Variants in PDE10A observed in about 807,000 individuals in gnomAD.
PDE10A encodes phosphodiesterase 10A, also known as cAMP and cAMP-inhibited cGMP 3',5'-cyclic phosphodiesterase 10A.
In PDE10A, 39 loss-of-function variants were observed where a neutral mutation model predicts 97.7. The observed-to-expected ratio is 0.40, with a 90% confidence interval of 0.31 to 0.52. PDE10A has a LOEUF of 0.52. Ranked by LOEUF, PDE10A falls within the 20% of genes least tolerant of loss-of-function variation. PDE10A has a pLI of 0.56. For synonymous variants in PDE10A, 371 were observed against 376.8 expected (o/e 0.98, Z 0.18); for missense variants, 731 against 1,047.8 (o/e 0.70, Z 4.17).
chr6:165,901,438 G>A (rs1456571153), intron 1 of PDE10A, among the ~76,000 whole-genome samples: 1 of 152,164 alleles, frequency 6.6e-6, no homozygotes, highest in African/African-American at 2.4e-5. Flanking sequence ...GTCCTCATCA[G>A]GGCTCCGGGT....
At chr6:165,734,550 CAAAT>C (rs887032996) in intron 1 of PDE10A, among the ~76,000 whole-genome samples, 1 of 151,974 alleles carries the variant, frequency 6.6e-6, no homozygotes, top group African/African-American at 2.4e-5. Flanking sequence ...GAAAAAGAAC[CAAAT>C]AACAGTTTCT....
chr6:165,362,975 C>T (rs988811541), intron 18 of PDE10A, among the ~76,000 whole-genome samples: 6 of 152,010 alleles, frequency 3.9e-5, no homozygotes, highest in Middle Eastern at 3.2e-3. Context: ...TTGATAATCT[C>T]GATAGATGCA....
chr6:165,436,500 C>A (rs1263231627), intron 5 of PDE10A, among the ~76,000 whole-genome samples: 1 of 152,096 alleles, frequency 6.6e-6, no homozygotes, highest in Non-Finnish European at 1.5e-5. Flanking sequence ...TTGCTTTAAC[C>A]TTGGGTACTT....
At chr6:165,794,300 T>A (rs1368361625) in intron 1 of PDE10A, among the ~76,000 whole-genome samples, 1 of 147,470 alleles carries the variant, frequency 6.8e-6, no homozygotes, top group Non-Finnish European at 1.5e-5. Context: ...CCTCCCACAC[T>A]CACACACGCT....
chr6:165,930,006 TCCC>T, intron 1 of PDE10A, among the ~76,000 whole-genome samples: 1 of 145,772 alleles, frequency 6.9e-6, no homozygotes, highest in African/African-American at 2.6e-5. Context: ...AAGAGAGTGC[TCCC>T]TAATGACCAG....
intron 1 of PDE10A, among the ~76,000 whole-genome samples, chr6:165,752,693 T>C (rs1289737348): frequency 1.3e-5 from 2 of 152,196 alleles, no homozygotes; most frequent in Admixed American, 1.3e-4. Flanking sequence ...TAGGCCTCTC[T>C]CTGTTCATGA....
chr6:165,892,231 G>A (rs1437680270), intron 1 of PDE10A, among the ~76,000 whole-genome samples: 1 of 152,190 alleles, frequency 6.6e-6, no homozygotes, highest in African/African-American at 2.4e-5. Context: ...CAAAGCAGGA[G>A]CCTTCCTGGA....
Position 165,837,649 on chromosome 6 carries a change from A to C in PDE10A, c.-615+149880T>G, listed in dbSNP as rs560692512. ...TCCTCCAAGTAATCTGCTGATTTAT[A>C]TCTCTCCTGGTTTTTTTTTTTTTTT... On this transcript the variant is annotated intron_variant, in intron 1 of 19. Coordinates refer to the PDE10A transcript ENST00000366882. Among the ~76,000 whole-genome samples, 11 of 139,178 alleles carry C rather than the reference A, an allele frequency of 7.9e-5. No individual in the cohort carries two copies. The East Asian group carries it at 2.3e-3, about 29-fold the overall frequency. 91.3% of individuals were successfully genotyped at this position (139,178 alleles called of 152,430 possible). A position where few individuals can be genotyped will look rare whatever the true frequency, so the allele number is the denominator to read the frequency against.
At chr6:165,489,707 A>G (rs1279041746) in intron 2 of PDE10A, among the ~76,000 whole-genome samples, 1 of 152,196 alleles carries the variant, frequency 6.6e-6, no homozygotes, top group Non-Finnish European at 1.5e-5. Flanking sequence ...ATGACACAGG[A>G]TATCAATGGA....
intron 1 of PDE10A, among the ~76,000 whole-genome samples, chr6:165,874,393 G>GAGTA (rs1781280919): frequency 6.6e-6 from 1 of 152,030 alleles, no homozygotes; most frequent in South Asian, 2.1e-4. Context: ...AATTTAGCCA[G>GAGTA]AGTAAGCAGG....
chr6:165,602,617 T>A (rs911821007), intron 1 of PDE10A, among the ~76,000 whole-genome samples: 2 of 152,170 alleles, frequency 1.3e-5, no homozygotes, highest in Non-Finnish European at 2.9e-5. Context: ...GGTGATGAGT[T>A]CACATTATCA....
chr6:165,942,746 G>C (rs144501073), intron 1 of PDE10A, among the ~76,000 whole-genome samples: 1 of 152,108 alleles, frequency 6.6e-6, no homozygotes, highest in Admixed American at 6.5e-5. Flanking sequence ...CTTTAACCTC[G>C]ACAGTGTGCT....
Position 165,332,957 on chromosome 6 carries a change from AGG to A in PDE10A, c.*66_*67del. 1.4e-6 allele frequency: 1 copy of A among 698,958 alleles called. No individual in the cohort carries two copies. The allele number at this position is 698,958 out of a possible 1,614,324, so 43.3% of individuals were successfully genotyped here. ...GGTTCCCCCCACCCCCCCCAAAAAA[AGG>A]AAAAGAATGTCAAAGAAGCAAGATG... On this transcript the variant is annotated 3_prime_UTR_variant, in exon 22 of 22. Transcript: ENST00000539869.
intron 1 of PDE10A, chr6:165,660,065 A>C (rs1483569851): frequency 6.6e-6 from 1 of 152,404 alleles, no homozygotes; most frequent in Non-Finnish European, 1.5e-5. Context: ...ATCAAAGGTC[A>C]ACTGAGAAAA....
intron 1 of PDE10A, among the ~76,000 whole-genome samples, chr6:165,600,420 T>C (rs1006342551): frequency 6.6e-6 from 1 of 152,266 alleles, no homozygotes; most frequent in African/African-American, 2.4e-5. Context: ...GGGTTGTCTT[T>C]TGAGGACGCT....
chr6:165,572,610 AG>A (rs1240578810), intron 1 of PDE10A, among the ~76,000 whole-genome samples: 11 of 152,374 alleles, frequency 7.2e-5, no homozygotes, highest in Admixed American at 2.0e-4. Context: ...AACATTAAAT[AG>A]TCACTCGGCT....
At chr6:165,654,949 T>C (rs974471686) in intron 1 of PDE10A, among the ~76,000 whole-genome samples, 4 of 152,146 alleles carry the variant, frequency 2.6e-5, no homozygotes, top group East Asian at 1.9e-4. Flanking sequence ...TTCTGTCCTA[T>C]CCTCCGACTT....
chr6:165,787,595 T>C (rs1014939629), intron 1 of PDE10A, among the ~76,000 whole-genome samples: 4 of 151,950 alleles, frequency 2.6e-5, no homozygotes, highest in Non-Finnish European at 5.9e-5. Context: ...AGAATTAGAG[T>C]TTTACAGAAT....
intron 3 of PDE10A, among the ~76,000 whole-genome samples, chr6:165,478,373 T>C (rs1438560230): frequency 6.6e-6 from 1 of 152,106 alleles, no homozygotes; most frequent in African/African-American, 2.4e-5. Flanking sequence ...CATTCCAAAG[T>C]AGACCTGAAA....
Sources: allele counts gnomAD v4.1 joint callset (sites outside exome capture counted in the v4.1 genomes callset), GRCh38; gene constraint gnomAD v4.1.1; transcripts MANE v1.5; gene names NCBI Gene and HGNC (gene_info 2026-07-23, HGNC 2026-07-21).